Variants in CFAP221 observed in about 807,000 individuals in gnomAD.
CFAP221 encodes the protein cilia and flagella associated protein 221.
In CFAP221, 97 loss-of-function variants were observed where a neutral mutation model predicts 113.1. The ratio of observed to expected loss-of-function variants is 0.86; its 90% CI spans 0.73 to 1.02. The LOEUF (loss-of-function observed/expected upper bound fraction) is 1.02, where lower values mean the gene tolerates loss of function less well. Ranked by LOEUF, CFAP221 falls within the 50% of genes least tolerant of loss-of-function variation. CFAP221 has a pLI of 0.00. For synonymous variants in CFAP221, 331 were observed against 354.4 expected (o/e 0.93, Z 0.74); for missense variants, 1,025 against 1,013.4 (o/e 1.01, Z -0.16).
chr2:119,571,233 G>A (rs542937447), intron 6 of CFAP221, among the ~76,000 whole-genome samples: 8 of 135,386 alleles, frequency 5.9e-5, no homozygotes, highest in Admixed American at 2.6e-4. Flanking sequence ...TCCGCCTCCC[G>A]GGTTCAAGTA....
intron 21 of CFAP221, among the ~76,000 whole-genome samples, chr2:119,646,562 G>A (rs1361457869): frequency 1.3e-5 from 2 of 152,114 alleles, no homozygotes; most frequent in Non-Finnish European, 1.5e-5. Context: ...CCACCCCCGC[G>A]ATCCAATCAC....
At chr2:119,585,243 A>G (rs927808536) in intron 6 of CFAP221, among the ~76,000 whole-genome samples, 1 of 152,246 alleles carries the variant, frequency 6.6e-6, no homozygotes, top group Non-Finnish European at 1.5e-5. Flanking sequence ...ACATATTTTT[A>G]TGCATACATA....
intron 6 of CFAP221, among the ~76,000 whole-genome samples, chr2:119,567,796 T>C (rs1485292979): frequency 6.6e-6 from 1 of 152,254 alleles, no homozygotes; most frequent in Non-Finnish European, 1.5e-5. Flanking sequence ...TATAGTTCTA[T>C]TAATATCTAG....
rs1684632445 is a variant in CFAP221, at chr2:119,604,951, G to A, written c.988G>A (p.Glu330Lys). Reference sequence around the variant, plus strand: ...TGCTGTGGCAACTGTTTTAAACCAAGAACCAGGAAAATTGAAGATTAAAGA... The same window carrying A: ...TGCTGTGGCAACTGTTTTAAACCAAAAACCAGGAAAATTGAAGATTAAAGA... ...PFAVATVLNQ[E>K]PGKLKIKELR... Residue 330 changes from glutamate to lysine, a missense_variant, in exon 10 of 24, where the codon GAA (glutamate) becomes AAA (lysine). Coordinates refer to ENST00000413369, the MANE Select transcript of CFAP221 (RefSeq NM_001271049.2). The A allele has an allele frequency of 1.9e-6, 3 of 1,613,964 alleles. No homozygotes were observed. In the South Asian group the frequency reaches 3.3e-5, roughly 18 times the overall value.
intron 3 of CFAP221, among the ~76,000 whole-genome samples, chr2:119,551,032 C>G (rs1680382743): frequency 6.6e-6 from 1 of 152,238 alleles, no homozygotes; most frequent in African/African-American, 2.4e-5. Flanking sequence ...TGACTTCTTT[C>G]ACTTAGCATA....
chr2:119,573,992 G>C (rs1488034439), intron 6 of CFAP221, among the ~76,000 whole-genome samples: 1 of 152,080 alleles, frequency 6.6e-6, no homozygotes, highest in Non-Finnish European at 1.5e-5. Flanking sequence ...GGAAGACTTG[G>C]GTTATTCTTT....
In CFAP221 at chr2:119,562,134, A is replaced by G; in HGVS notation, c.527+20A>G. On this transcript the variant is annotated intron_variant, in intron 6 of 23. Coordinates refer to ENST00000413369, the MANE Select transcript of CFAP221 (RefSeq NM_001271049.2). ...TGAAAGGTGAGTTACCAAAATGTCAACAAAATGTATAGGATGTGAAAAACT... is the reference window on the plus strand; with the variant it reads ...TGAAAGGTGAGTTACCAAAATGTCAGCAAAATGTATAGGATGTGAAAAACT... 1 of 1,474,318 alleles carries G rather than the reference A, an allele frequency of 6.8e-7. No individual in the cohort carries two copies. The highest frequency in any genetic ancestry group is 2.5e-5 in the East Asian group (1 of 40,516). 91.3% of individuals were successfully genotyped at this position (1,474,318 alleles called of 1,614,324 possible).
chr2:119,630,436 C>T, intron 17 of CFAP221, 134 bp from the exon 18 acceptor site: 1 of 674,026 alleles, frequency 1.5e-6, no homozygotes, highest in South Asian at 2.0e-5. Context: ...CAACAATAGC[C>T]ACAATCCGAT....
intron 14 of CFAP221, among the ~76,000 whole-genome samples, chr2:119,622,162 CAAT>C (rs932050226): frequency 2.6e-5 from 4 of 152,106 alleles, no homozygotes; most frequent in African/African-American, 9.7e-5. Context: ...CAAATAGACA[CAAT>C]AAAAAATTAT....
At chr2:119,602,884 C>T in intron 8 of CFAP221, 1 of 600,222 alleles carries the variant, frequency 1.7e-6, no homozygotes, top group Non-Finnish European at 2.1e-6. Context: ...CTTTTACATG[C>T]ACGACAGCAT....
intron 14 of CFAP221, among the ~76,000 whole-genome samples, chr2:119,624,983 A>G (rs1299830796): frequency 6.6e-6 from 1 of 152,050 alleles, no homozygotes; most frequent in Non-Finnish European, 1.5e-5. Context: ...ACAAACCTGC[A>G]TGTTCTGCAC....
intron 6 of CFAP221, among the ~76,000 whole-genome samples, chr2:119,574,431 G>A (rs1239133612): frequency 2.0e-5 from 3 of 152,196 alleles, no homozygotes; most frequent in African/African-American, 7.2e-5. Context: ...AAGTGTTCAT[G>A]GATGAATTCC....
At chr2:119,604,394 A>G (rs1224278074) in intron 8 of CFAP221, among the ~76,000 whole-genome samples, 2 of 152,102 alleles carry the variant, frequency 1.3e-5, no homozygotes, top group Non-Finnish European at 2.9e-5. Flanking sequence ...TGATCATGCC[A>G]CTGCATTCCA....
intron 11 of CFAP221, 72 bp downstream of exon 11, chr2:119,605,361 G>A: frequency 8.3e-7 from 1 of 1,210,586 alleles, no homozygotes; most frequent in Non-Finnish European, 1.2e-6. Context: ...TTATAAATGA[G>A]AGACAGTAAA....
chr2:119,631,753 A>G (rs1686788662), intron 19 of CFAP221, among the ~76,000 whole-genome samples: 1 of 152,200 alleles, frequency 6.6e-6, no homozygotes, highest in Non-Finnish European at 1.5e-5. Flanking sequence ...AATAAAATGA[A>G]TAAACCTGTA....
chr2:119,560,836 A>G (rs1371406642), intron 5 of CFAP221, among the ~76,000 whole-genome samples: 3 of 152,148 alleles, frequency 2.0e-5, no homozygotes, highest in African/African-American at 4.8e-5. Context: ...TTATAAATTG[A>G]TAGTGTTGTC....
chr2:119,571,623 T>C lies in CFAP221; in HGVS notation c.527+9509T>C, dbSNP rs1043222355. On this transcript the variant is annotated intron_variant, in intron 6 of 23. Transcript: ENST00000413369. ...ACATGCACCACCACACCTAGCTAAC[T>C]TTTTTGTATTTTTTGGTGGAGATGG... Among the ~76,000 whole-genome samples, 16 of 152,136 alleles carry C rather than the reference T, an allele frequency of 1.1e-4. No homozygotes were observed. The East Asian group carries it at 3.1e-3, about 30-fold the overall frequency.
In CFAP221 at chr2:119,654,047, G is replaced by A. The variant is rs545521255; in HGVS notation, c.2414+1978G>A. On this transcript the variant is annotated intron_variant, in intron 23 of 23. Coordinates refer to ENST00000413369, the MANE Select transcript of CFAP221 (RefSeq NM_001271049.2). ...TATATGCTGCAAATTTATTTTCTCA[G>A]TTTGTCGTCTACTTTGTTGTGGGGG... 2.1e-4 allele frequency among the ~76,000 whole-genome samples: 32 copies of A among 151,964 alleles called. 1 individual carries two copies. The South Asian group carries it at 6.4e-3, about 31-fold the overall frequency.
chr2:119,613,940 T>A (rs1685351993), intron 13 of CFAP221, among the ~76,000 whole-genome samples: 2 of 152,218 alleles, frequency 1.3e-5, no homozygotes, highest in Non-Finnish European at 1.5e-5. Flanking sequence ...TCTTCGTGAA[T>A]ACATAAAACT....
Sources: allele counts gnomAD v4.1 joint callset (sites outside exome capture counted in the v4.1 genomes callset), GRCh38; gene constraint gnomAD v4.1.1; transcripts MANE v1.5; gene names NCBI Gene and HGNC (gene_info 2026-07-23, HGNC 2026-07-21).